HIVEP2: variants seen among roughly 807,000 people sequenced by gnomAD.
HIVEP2 encodes HIVEP zinc finger 2.
Under a neutral mutation model 180.7 loss-of-function variants are expected in HIVEP2, and 14 were observed. That is an observed-to-expected ratio of 0.08 (90% confidence interval 0.05 to 0.12). The LOEUF is 0.12. Among genes scored for constraint, HIVEP2 ranks in the 10% least tolerant of loss-of-function variants. The pLI is 1.00. For synonymous variants in HIVEP2, 1,184 were observed against 1,136.4 expected (o/e 1.04, Z -0.84); for missense variants, 2,579 against 3,008.5 (o/e 0.86, Z 3.34).
intron 1 of HIVEP2, among the ~76,000 whole-genome samples, chr6:142,895,908 C>T (rs748898523): frequency 6.6e-6 from 1 of 152,050 alleles, no homozygotes; most frequent in Admixed American, 6.5e-5. Flanking sequence ...AAAACCTGAC[C>T]ATTTGCATCC....
At chr6:142,897,950 A>C (rs1777040421) in intron 1 of HIVEP2, among the ~76,000 whole-genome samples, 1 of 152,112 alleles carries the variant, frequency 6.6e-6, no homozygotes, top group Non-Finnish European at 1.5e-5. Context: ...CCTACTTCCT[A>C]TACAGAGCTT....
At chr6:142,891,741 T>A (rs1238345467) in intron 1 of HIVEP2, among the ~76,000 whole-genome samples, 1 of 152,194 alleles carries the variant, frequency 6.6e-6, no homozygotes, top group African/African-American at 2.4e-5. Flanking sequence ...TTAAAACTCT[T>A]ATTCTGCAAT....
chr6:142,813,231 T>C (rs1776744252), intron 2 of HIVEP2, among the ~76,000 whole-genome samples: 1 of 152,178 alleles, frequency 6.6e-6, no homozygotes, highest in Admixed American at 6.5e-5. Context: ...GGTTATTATT[T>C]TTCAGTTACT....
At chr6:142,941,016 TAA>T (rs1778164292) in intron 1 of HIVEP2, among the ~76,000 whole-genome samples, 1 of 152,242 alleles carries the variant, frequency 6.6e-6, no homozygotes, top group Non-Finnish European at 1.5e-5. Context: ...GTTGGAAATC[TAA>T]AGTTATAGAC....
rs1023253067 is a variant in HIVEP2, at chr6:142,836,937, A to T, written c.-530T>A. ...AGAAAGCACTTGGCTTGACTTACCT[A>T]GTGGCTGTATGTTAAAGCATCGGTA... On this transcript the variant is annotated splice_region_variant and 5_prime_UTR_variant, in exon 2 of 10. Transcript: ENST00000367603. The T allele has an allele frequency of 1.3e-5, 2 of 152,142 alleles. No homozygotes were observed. The highest frequency in any genetic ancestry group is 1.3e-4 in the Admixed American group (2 of 15,268). 9.4% of individuals were successfully genotyped at this position (152,142 alleles called of 1,614,324 possible).
chr6:142,789,044 T>C (rs1284391426), intron 2 of HIVEP2, among the ~76,000 whole-genome samples: 2 of 152,242 alleles, frequency 1.3e-5, no homozygotes, highest in African/African-American at 4.8e-5. Context: ...TGATTATATA[T>C]ACTTTATTTT....
intron 1 of HIVEP2, among the ~76,000 whole-genome samples, chr6:142,890,393 T>C (rs1031126499): frequency 6.6e-6 from 1 of 152,258 alleles, no homozygotes; most frequent in Admixed American, 6.5e-5. Context: ...GCACTTGCTC[T>C]GCATTCCTTC....
At chr6:142,940,063 GAAATTATTGGGATACTT>G (rs891189566) in intron 1 of HIVEP2, among the ~76,000 whole-genome samples, 1 of 152,160 alleles carries the variant, frequency 6.6e-6, no homozygotes, top group African/African-American at 2.4e-5. Context: ...ATCATGAGGA[GAAATTATTGGGATACTT>G]GAATGTCTCA....
At chr6:142,899,945 A>G (rs1230124863) in intron 1 of HIVEP2, among the ~76,000 whole-genome samples, 3 of 152,222 alleles carry the variant, frequency 2.0e-5, no homozygotes. Flanking sequence ...TGAAATAAAA[A>G]TGGTCTAAAC....
intron 2 of HIVEP2, among the ~76,000 whole-genome samples, chr6:142,815,614 T>C (rs1386439408): frequency 6.6e-6 from 1 of 152,182 alleles, no homozygotes; most frequent in East Asian, 1.9e-4. Flanking sequence ...GCATGGTGGC[T>C]CAGGAAGCCT....
chr6:142,813,197 A>G (rs1004269162), intron 2 of HIVEP2, among the ~76,000 whole-genome samples: 1 of 152,238 alleles, frequency 6.6e-6, no homozygotes, highest in Admixed American at 6.5e-5. Flanking sequence ...CCAAATATAC[A>G]TCAATAATGA....
chr6:142,864,831 G>T (rs1776094796), intron 1 of HIVEP2, among the ~76,000 whole-genome samples: 1 of 152,060 alleles, frequency 6.6e-6, no homozygotes, highest in Admixed American at 6.6e-5. Context: ...TTCCTTGAAG[G>T]TCCTAACCCT....
chr6:142,823,528 C>CTT (rs1025956851), intron 2 of HIVEP2, among the ~76,000 whole-genome samples: 3 of 152,176 alleles, frequency 2.0e-5, no homozygotes, highest in African/African-American at 7.2e-5. Flanking sequence ...AAAGAAAAGA[C>CTT]TTAAGAGTCA....
chr6:142,790,479 A>C (rs190974188), intron 2 of HIVEP2, among the ~76,000 whole-genome samples: 196 of 152,376 alleles, frequency 1.3e-3, no homozygotes, highest in African/African-American at 4.4e-3. Context: ...ATAAAAGCAA[A>C]AAAGGTGTAT....
rs1165305852 is a variant in HIVEP2, at chr6:142,772,457, C to A, written c.2282G>T (p.Cys761Phe). ...ACTTCCAGGCTGCAGTTGGGGCCGA[C>A]ATGGGTCAAAGCGTTCCGTGTGACC... ...SHGHTERFDP[C>F]RPQLQPGSPS... is the part of the protein sequence containing the mutation. Residue 761 changes from cysteine to phenylalanine, a missense_variant, in exon 5 of 10, where the codon TGT (cysteine) becomes TTT (phenylalanine). Around this residue, in one of 11 missense-constraint regions of HIVEP2, gnomAD observed 524 missense variants for 563.6 expected, o/e 0.93. Coordinates refer to ENST00000367603, the MANE Select transcript of HIVEP2 (RefSeq NM_006734.4). This position sits in a 1 kb window ranked among gnomAD's most constrained non-coding sequence, Gnocchi z 4.9. 1 of 1,614,222 alleles carries A rather than the reference C, an allele frequency of 6.2e-7. No homozygotes were observed. Among genetic ancestry groups the A allele is most frequent in the Non-Finnish European group, 8.5e-7 (1 of 1,180,044 alleles).
chr6:142,846,023 CATCCAGTGTGAGCG>C (rs1775507220), intron 1 of HIVEP2, among the ~76,000 whole-genome samples: 1 of 152,242 alleles, frequency 6.6e-6, no homozygotes, highest in African/African-American at 2.4e-5. Flanking sequence ...TCCCTCCTGG[CATCCAGTGTGAGCG>C]AAGTCCAGGC....
chr6:142,817,239 G>A (rs1025776844), intron 2 of HIVEP2, among the ~76,000 whole-genome samples: 9 of 152,164 alleles, frequency 5.9e-5, no homozygotes, highest in African/African-American at 2.2e-4. Context: ...CTGACTGAAA[G>A]CTCTGGCTAA....
intron 6 of HIVEP2, 30 bp from the exon 7 acceptor site, chr6:142,765,004 T>G: frequency 6.3e-7 from 1 of 1,577,760 alleles, no homozygotes; most frequent in Admixed American, 1.7e-5. Flanking sequence ...TCCAGTGTGT[T>G]TTCAAATATT....
chr6:142,878,961 G>A (rs1776514577), intron 1 of HIVEP2, among the ~76,000 whole-genome samples: 1 of 152,100 alleles, frequency 6.6e-6, no homozygotes, highest in Admixed American at 6.6e-5. Flanking sequence ...GAACTGTGTG[G>A]CCCTGGATAT....
Sources: gnomAD v4.1 joint callset for allele counts (sites outside exome capture counted in the v4.1 genomes callset) on GRCh38, gnomAD v4.1.1 for gene constraint, gnomAD v4.1.1 regional missense constraint, Gnocchi (gnomAD v3.1) non-coding constraint, MANE v1.5 for transcripts, NCBI Gene and HGNC (gene_info 2026-07-23, HGNC 2026-07-21) for gene names.